The following KALRN variants were observed in gnomAD, a reference collection of about 807,000 sequenced individuals.
KALRN encodes the protein kalirin.
Under a neutral mutation model 353.7 loss-of-function variants are expected in KALRN, and 70 were observed. The ratio of observed to expected loss-of-function variants is 0.20; its 90% CI spans 0.16 to 0.24. The LOEUF is 0.24. KALRN is among the 10% of genes least tolerant of loss of function. KALRN has a pLI of 1.00. For missense variants in KALRN, 2,791 were observed against 3,756.7 expected (o/e 0.74, Z 6.72); for synonymous variants, 1,391 against 1,434.8 (o/e 0.97, Z 0.69).
chr3:124,462,818 A>C lies in KALRN; in HGVS notation c.4031+185A>C, dbSNP rs908385838. 5 of 537,954 alleles carry C rather than the reference A, an allele frequency of 9.3e-6. No homozygotes were observed. The African/African-American group carries it at 9.7e-5, about 10-fold the overall frequency. 33.3% of individuals were successfully genotyped at this position (537,954 alleles called of 1,614,324 possible). ...TAATTGTCCGAAAGTCCTAGTGGAG[A>C]GTAAAGTCAAGTATTCAGCAGTGCT... is the stretch of plus-strand genomic sequence containing the variant. On this transcript the variant is annotated intron_variant, in intron 25 of 59. Transcript: ENST00000682506.
chr3:124,373,570 G>T (rs1169802356), intron 10 of KALRN, among the ~76,000 whole-genome samples: 1 of 152,226 alleles, frequency 6.6e-6, no homozygotes, highest in African/African-American at 2.4e-5. Flanking sequence ...CTGTGAGGGA[G>T]AATCTGTTCC....
chr3:124,503,571 G>A (rs192277670), intron 33 of KALRN, among the ~76,000 whole-genome samples: 30 of 152,222 alleles, frequency 2.0e-4, no homozygotes, highest in African/African-American at 6.7e-4. Context: ...GGAGGAGGAG[G>A]AGAAGGAGCA....
chr3:124,556,902 A>G (rs1417696447), intron 33 of KALRN, among the ~76,000 whole-genome samples: 2 of 152,202 alleles, frequency 1.3e-5, no homozygotes, highest in Non-Finnish European at 2.9e-5. Context: ...GATGATGTTC[A>G]CACAGTTATA....
intron 25 of KALRN, among the ~76,000 whole-genome samples, chr3:124,466,746 C>T (rs1054123873): frequency 1.3e-5 from 2 of 152,158 alleles, no homozygotes; most frequent in African/African-American, 4.8e-5. Context: ...GCGCCCCTCC[C>T]CTTTCCTTAA....
intron 9 of KALRN, among the ~76,000 whole-genome samples, chr3:124,339,341 G>A (rs2081446221): frequency 6.6e-6 from 1 of 152,156 alleles, no homozygotes; most frequent in Non-Finnish European, 1.5e-5. Context: ...CCAGGTGACA[G>A]GATTGCAGCT....
At chr3:124,238,392 C>T (rs1286644020) in intron 3 of KALRN, among the ~76,000 whole-genome samples, 1 of 152,200 alleles carries the variant, frequency 6.6e-6, no homozygotes, top group African/African-American at 2.4e-5. Flanking sequence ...GCTGCTGCCT[C>T]TGGAGAAAGT....
At position 124,268,885 on chromosome 3, in the gene KALRN, T is replaced by C; in HGVS notation, c.599T>C (p.Val200Ala). The C allele has an allele frequency of 6.2e-7, 1 of 1,614,084 alleles. No individual in the cohort carries two copies. Among genetic ancestry groups the C allele is most frequent in the East Asian group, 2.2e-5 (1 of 44,872 alleles). Reference protein sequence around the residue: ...LSLEEFFNSAVHLLSRLEDLQ... With the variant: ...LSLEEFFNSAAHLLSRLEDLQ... ...CTGGAGGAGTTCTTCAACAGCGCCG[T>C]GCACCTGCTCTCGCGCCTCGAGGAC... is the stretch of plus-strand genomic sequence containing the variant. The change falls in exon 5 of 60, where the codon GTG becomes GCG. Residue 200 changes from valine (V) to alanine (A), a missense_variant. Val to Ala is a moderately conservative substitution (Grantham distance 64). Transcript: ENST00000682506.
Position 124,194,708 on chromosome 3 carries a change from C to G in KALRN, c.74-33282C>G, listed in dbSNP as rs528057277. 2.6e-5 allele frequency among the ~76,000 whole-genome samples: 4 copies of G among 152,246 alleles called. No homozygotes were observed. The East Asian group carries it at 7.7e-4, about 29-fold the overall frequency. ...TGAGTTAGTATTTGAAGGTGTATCT[C>G]CTGGTGCAGCTCAACCCAAGGGCAC... On this transcript the variant is annotated intron_variant, in intron 1 of 59. Transcript: ENST00000682506.
chr3:124,439,578 A>G (rs891449502), intron 18 of KALRN, among the ~76,000 whole-genome samples: 2 of 152,234 alleles, frequency 1.3e-5, no homozygotes, highest in African/African-American at 4.8e-5. Flanking sequence ...TTATAAATGG[A>G]AGATGCAAAA....
intron 17 of KALRN, among the ~76,000 whole-genome samples, chr3:124,437,719 G>GT (rs1292275800): frequency 8.1e-6 from 1 of 123,922 alleles, no homozygotes; most frequent in African/African-American, 2.8e-5. Context: ...AAAAAAAGAC[G>GT]TTTTTCATCA....
chr3:124,684,718 G>A (rs1397886264), intron 51 of KALRN, among the ~76,000 whole-genome samples: 3 of 152,198 alleles, frequency 2.0e-5, no homozygotes, highest in African/African-American at 7.2e-5. Flanking sequence ...CGACCGAAGA[G>A]GACGTGGAAG....
At chr3:124,286,140 CTTTCT>C (rs1560463702) in intron 5 of KALRN, among the ~76,000 whole-genome samples, 1 of 26,818 alleles carries the variant, frequency 3.7e-5, no homozygotes, top group Admixed American at 4.4e-4. Context: ...TCTTTCTTTC[CTTTCT>C]TTCTTTCCTT....
At chr3:124,574,999 G>A (rs1000633468) in intron 34 of KALRN, among the ~76,000 whole-genome samples, 4 of 152,196 alleles carry the variant, frequency 2.6e-5, no homozygotes, top group Non-Finnish European at 5.9e-5. Context: ...ACTCCTCACC[G>A]AGGATCTATG....
chr3:124,152,404 C>A (rs2068244565), intron 1 of KALRN: 2 of 1,243,594 alleles, frequency 1.6e-6, no homozygotes, highest in East Asian at 4.6e-5. Flanking sequence ...ACTATTGATA[C>A]CTCTGATCCT....
At chr3:124,260,647 A>G (rs547789573) in intron 3 of KALRN, among the ~76,000 whole-genome samples, 25 of 151,946 alleles carry the variant, frequency 1.6e-4, no homozygotes, top group Non-Finnish European at 3.2e-4. Flanking sequence ...TAGAAGGGGA[A>G]GAGGGATGTG....
chr3:124,450,618 A>G (rs1448014028), intron 21 of KALRN, among the ~76,000 whole-genome samples: 1 of 149,276 alleles, frequency 6.7e-6, no homozygotes, highest in Non-Finnish European at 1.5e-5. Context: ...GCTGGAGTGC[A>G]GTCATGTGAC....
chr3:124,506,739 G>C (rs1483620996), intron 33 of KALRN, among the ~76,000 whole-genome samples: 1 of 152,198 alleles, frequency 6.6e-6, no homozygotes, highest in Non-Finnish European at 1.5e-5. Flanking sequence ...CTGCTAGCTA[G>C]TGTCCTTTCT....
intron 5 of KALRN, among the ~76,000 whole-genome samples, chr3:124,288,682 G>C (rs2076161894): frequency 6.6e-6 from 1 of 152,186 alleles, no homozygotes; most frequent in East Asian, 1.9e-4. Flanking sequence ...AACCTGATGG[G>C]GTCCGATGGC....
intron 51 of KALRN, among the ~76,000 whole-genome samples, chr3:124,690,676 C>G (rs530941992): frequency 6.6e-6 from 1 of 152,352 alleles, no homozygotes; most frequent in African/African-American, 2.4e-5. Context: ...GATCTTAACA[C>G]TTCACTTCCC....
Sources: gnomAD v4.1 joint callset for allele counts (sites outside exome capture counted in the v4.1 genomes callset) on GRCh38, gnomAD v4.1.1 for gene constraint, MANE v1.5 for transcripts, NCBI Gene and HGNC (gene_info 2026-07-23, HGNC 2026-07-21) for gene names.